Variants in ELP3 observed in about 807,000 individuals in gnomAD.
ELP3 encodes elongator complex protein 3.
ELP3 carries 56 observed loss-of-function variants against 74.9 expected under a neutral mutation model. The observed-to-expected ratio is 0.75, with a 90% CI of 0.60 to 0.93. The LOEUF (loss-of-function observed/expected upper bound fraction) is 0.93. Ranked by LOEUF, ELP3 falls within the 40% of genes least tolerant of loss-of-function variation. ELP3 has a pLI of 0.00. For synonymous variants in ELP3, 222 were observed against 239.8 expected (o/e 0.93, Z 0.68); for missense variants, 573 against 686.5 (o/e 0.83, Z 1.85).
At chr8:28,090,425 G>C (rs932272777), upstream of ELP3, 10 of 301,740 alleles carry the variant, frequency 3.3e-5, no homozygotes, top group Middle Eastern at 1.1e-3. Context: ...GTCCAAGTCT[G>C]GAACCCAGGC....
At chr8:28,131,026 A>G (rs1812767980) in intron 8 of ELP3, among the ~76,000 whole-genome samples, 1 of 152,226 alleles carries the variant, frequency 6.6e-6, no homozygotes, top group Non-Finnish European at 1.5e-5. Context: ...AAGATCGCTT[A>G]CAGTGTAAGG....
chr8:28,172,812 C>A (rs559111982), intron 14 of ELP3, among the ~76,000 whole-genome samples: 35 of 152,124 alleles, frequency 2.3e-4, no homozygotes, highest in Middle Eastern at 3.4e-3. Flanking sequence ...AGGAAGTTCC[C>A]TTCTATGCTA....
intron 9 of ELP3, among the ~76,000 whole-genome samples, chr8:28,136,279 G>GT (rs1214171343): frequency 6.6e-6 from 1 of 152,054 alleles, no homozygotes; most frequent in Non-Finnish European, 1.5e-5. Context: ...CTTTAGTGTG[G>GT]TTTTGGAGGG....
intron 14 of ELP3, among the ~76,000 whole-genome samples, chr8:28,163,294 A>AG (rs1458908759): frequency 6.6e-6 from 1 of 152,224 alleles, no homozygotes; most frequent in Admixed American, 6.5e-5. Flanking sequence ...TTTTCCCATT[A>AG]GACTACTACA....
chr8:28,125,759 C>CTTTTTTTTTT (rs755484214), intron 7 of ELP3, among the ~76,000 whole-genome samples: 65 of 92,172 alleles, frequency 7.1e-4, no homozygotes, highest in African/African-American at 1.8e-3. Context: ...AGTCATTTCT[C>CTTTTTTTTTT]TTTTTTTTTT....
chr8:28,157,202 C>T (rs887232890), intron 11 of ELP3, among the ~76,000 whole-genome samples: 3 of 144,334 alleles, frequency 2.1e-5, no homozygotes, highest in South Asian at 4.4e-4. Flanking sequence ...GGAATTCAGT[C>T]ATAGCCAAAA....
upstream of ELP3, chr8:28,093,018 G>C: frequency 3.5e-6 from 3 of 846,260 alleles, no homozygotes; most frequent in Middle Eastern, 2.2e-4. Context: ...GGGGCCTCAC[G>C]GGCCGCCTGC....
chr8:28,121,559 A>C (rs2130431719), intron 7 of ELP3, among the ~76,000 whole-genome samples: 1 of 152,140 alleles, frequency 6.6e-6, no homozygotes, highest in African/African-American at 2.4e-5. Context: ...GCCTCAGGTG[A>C]TCCGCCCACT....
intron 12 of ELP3, among the ~76,000 whole-genome samples, chr8:28,158,848 G>A (rs1585723965): frequency 6.6e-6 from 1 of 152,238 alleles, no homozygotes; most frequent in African/African-American, 2.4e-5. Context: ...CCTCATTCTA[G>A]ATTAGCACTG....
intron 14 of ELP3, among the ~76,000 whole-genome samples, chr8:28,164,596 C>CT (rs762198586): frequency 1.6e-4 from 24 of 152,244 alleles, no homozygotes; most frequent in Non-Finnish European, 3.2e-4. Flanking sequence ...CCATTGCTCT[C>CT]TATAGGGGAA....
At chr8:28,092,555 C>T (rs980853822), upstream of ELP3, among the ~76,000 whole-genome samples, 2 of 152,108 alleles carry the variant, frequency 1.3e-5, no homozygotes, top group Non-Finnish European at 2.9e-5. Context: ...TAACTTTTTT[C>T]TTTGGCAGAG....
intron 10 of ELP3, among the ~76,000 whole-genome samples, chr8:28,152,878 T>C (rs1813695685): frequency 6.6e-6 from 1 of 152,246 alleles, no homozygotes; most frequent in Non-Finnish European, 1.5e-5. Flanking sequence ...TGTGTAGTTT[T>C]AGCTCTTACT....
chr8:28,105,713 C>T (rs1811661470), intron 3 of ELP3, among the ~76,000 whole-genome samples: 1 of 152,166 alleles, frequency 6.6e-6, no homozygotes, highest in Non-Finnish European at 1.5e-5. Flanking sequence ...TTAATTCCAC[C>T]CAGCCCACAG....
chr8:28,108,645 C>A (rs1214256674), intron 5 of ELP3, among the ~76,000 whole-genome samples: 1 of 151,962 alleles, frequency 6.6e-6, no homozygotes, highest in Admixed American at 6.6e-5. Context: ...TTAGTAGAGA[C>A]AAGGTTTCAT....
In ELP3 at chr8:28,132,325, A is replaced by G; in HGVS notation, c.827A>G (p.Asp276Gly). 1 of 1,614,138 alleles carries G rather than the reference A, an allele frequency of 6.2e-7. No homozygotes were observed. The highest frequency in any genetic ancestry group is 8.5e-7 in the Non-Finnish European group (1 of 1,180,004). Residue 276 changes from aspartate to glycine, a missense_variant, in exon 9 of 15, where the codon GAT becomes GGT. Transcript: ENST00000256398. ...AVCESFHLAK[D>G]SGFKVVAHMM... ...TGTGAGTCATTTCACCTGGCCAAAG[A>G]TTCCGGTTTTAAAGTGGTGGCCCAT...
At chr8:28,127,293 C>A (rs1404825130) in intron 7 of ELP3, among the ~76,000 whole-genome samples, 2 of 152,266 alleles carry the variant, frequency 1.3e-5, no homozygotes, top group East Asian at 3.9e-4. Flanking sequence ...CCCATTTGTG[C>A]AATTGCCTCC....
chr8:28,176,147 CAA>C (rs1814743185), intron 14 of ELP3, among the ~76,000 whole-genome samples: 1 of 152,098 alleles, frequency 6.6e-6, no homozygotes, highest in Non-Finnish European at 1.5e-5. Flanking sequence ...ACTATTTTTG[CAA>C]AGTCTGAGTG....
At chr8:28,185,744 G>A (rs1198279709) in intron 14 of ELP3, among the ~76,000 whole-genome samples, 1 of 152,192 alleles carries the variant, frequency 6.6e-6, no homozygotes, top group East Asian at 1.9e-4. Context: ...GTGATGCTGG[G>A]CTGGTTTGCT....
At chr8:28,093,057 G>A, upstream of ELP3, 2 of 1,199,600 alleles carry the variant, frequency 1.7e-6, no homozygotes, top group Non-Finnish European at 2.4e-6. Flanking sequence ...ACGGGGCGGG[G>A]CGTGGCTTTG....
Sources: allele counts gnomAD v4.1 joint callset (sites outside exome capture counted in the v4.1 genomes callset), GRCh38; gene constraint gnomAD v4.1.1; transcripts MANE v1.5; gene names NCBI Gene and HGNC (gene_info 2026-07-23, HGNC 2026-07-21).